DDX5: variants seen among roughly 807,000 people sequenced by gnomAD.
DDX5 encodes probable ATP-dependent RNA helicase DDX5.
Under a neutral mutation model 68.6 loss-of-function variants are expected in DDX5, and 6 were observed. That is an observed-to-expected ratio of 0.09 (90% CI 0.05 to 0.17). The LOEUF (loss-of-function observed/expected upper bound fraction) is 0.17. Among genes scored for constraint, DDX5 ranks in the 10% least tolerant of loss-of-function variants. The pLI, the probability that DDX5 is intolerant of heterozygous loss-of-function variation, is 1.00. For missense variants in DDX5, 499 were observed against 756.1 expected (o/e 0.66, Z 3.99); for synonymous variants, 350 against 247.0 (o/e 1.42, Z -3.91).
upstream of DDX5, chr17:64,506,699 GT>G (rs1422903211): frequency 3.5e-5 from 14 of 402,638 alleles, no homozygotes; most frequent in East Asian, 4.8e-4. Context: ...CGAGAGAGCG[GT>G]CCGCACTACT....
upstream of DDX5, chr17:64,506,383 C>T: frequency 1.4e-6 from 2 of 1,411,268 alleles, no homozygotes; most frequent in Non-Finnish European, 9.2e-7. Context: ...ATCGCCCCGC[C>T]CCTCGCGCAT....
intron 1 of DDX5, chr17:64,505,245 A>T (rs573182974): frequency 1.2e-5 from 3 of 258,610 alleles, no homozygotes; most frequent in Non-Finnish European, 2.2e-5. Flanking sequence ...GATGTTACTC[A>T]TATGGCCGTT....
At position 64,499,852 on chromosome 17, in the gene DDX5, T is replaced by G. The variant is rs2038250770; in HGVS notation, c.*71A>C. On this transcript the variant is annotated 3_prime_UTR_variant, in exon 13 of 13. Coordinates refer to ENST00000225792, the MANE Select transcript of DDX5 (RefSeq NM_004396.5). ...GCAATTCCCATGTTTCTTAAATAAC[T>G]ATCTTGTCAGATAACACACAATATA... 7.2e-7 allele frequency: 1 copy of G among 1,387,388 alleles called. No individual in the cohort carries two copies. Among genetic ancestry groups the G allele is most frequent in the African/African-American group, 1.4e-5 (1 of 69,478 alleles). 85.9% of individuals were successfully genotyped at this position (1,387,388 alleles called of 1,614,324 possible).
In DDX5 at chr17:64,504,338, A is replaced by G. The variant is rs1472487674; in HGVS notation, c.211-20T>C. 4 of 1,603,272 alleles carry G rather than the reference A, an allele frequency of 2.5e-6. No individual in the cohort carries two copies. The South Asian group carries it at 4.4e-5, about 18-fold the overall frequency. ...CTCTTGCTGCAAAACAAATTATAAC[A>G]GTCTTAAAATTCATGACAACCACCC... On this transcript the variant is annotated intron_variant, in intron 2 of 12. Coordinates refer to ENST00000225792, the MANE Select transcript of DDX5 (RefSeq NM_004396.5).
chr17:64,502,360 A>AC, intron 9 of DDX5, 79 bp downstream of exon 9: 1 of 1,449,848 alleles, frequency 6.9e-7, no homozygotes, highest in Non-Finnish European at 9.6e-7. Flanking sequence ...TATGAAAAAA[A>AC]TCCACTGCTC....
chr17:64,506,430 G>C (rs9905596), upstream of DDX5: 6,887 of 1,358,316 alleles, frequency 5.1e-3, 284 homozygotes, highest in African/African-American at 0.091. Context: ...GGATCGCCGC[G>C]CTTTCACCCC....
At chr17:64,502,587 T>C (rs1568102582) in intron 8 of DDX5, 38 bp from the exon 9 acceptor site, 1 of 1,433,018 alleles carries the variant, frequency 7.0e-7, no homozygotes, top group Non-Finnish European at 9.8e-7. Context: ...TCCTGAGTTT[T>C]AAAAGACCAT....
intron 5 of DDX5, 102 bp from the exon 6 acceptor site, chr17:64,503,673 CA>C: frequency 6.5e-7 from 1 of 1,547,676 alleles, no homozygotes; most frequent in Non-Finnish European, 8.8e-7. Flanking sequence ...GTCCAATACC[CA>C]AAACAGCTCC....
At position 64,503,104 on chromosome 17, in the gene DDX5, G is replaced by A. The variant is rs1242954778; in HGVS notation, c.811-6C>T. 1.9e-6 allele frequency: 3 copies of A among 1,611,726 alleles called. No individual in the cohort carries two copies. The highest frequency in any genetic ancestry group is 2.2e-5 in the East Asian group (1 of 44,850). On this transcript the variant is annotated splice_region_variant and splice_polypyrimidine_tract_variant and intron_variant, in intron 7 of 12. Coordinates refer to ENST00000225792, the MANE Select transcript of DDX5 (RefSeq NM_004396.5). ...ATTAGAGTTTGCCTATCAGGCTAAT[G>A]GATTTTGGGGGGAAAAATTAGTATC...
chr17:64,501,399 C>CAA (rs2038294059), intron 11 of DDX5: 1 of 156,908 alleles, frequency 6.4e-6, no homozygotes. Flanking sequence ...GAGGAACTTT[C>CAA]AAAGCACTTT....
At chr17:64,501,823 G>A (rs1249952425) in intron 11 of DDX5, 187 bp downstream of exon 11, 6 of 613,246 alleles carry the variant, frequency 9.8e-6, no homozygotes, top group South Asian at 6.2e-5. Context: ...GCAGCCAGCC[G>A]ATCACTAGTC....
upstream of DDX5, chr17:64,506,394 A>C (rs757609185): frequency 1.6e-5 from 23 of 1,401,958 alleles, no homozygotes; most frequent in Non-Finnish European, 1.9e-5. Flanking sequence ...CCTCGCGCAT[A>C]GGCCGCAACG....
intron 1 of DDX5, chr17:64,505,045 G>A (rs911727081): frequency 6.6e-5 from 31 of 469,360 alleles, no homozygotes; most frequent in African/African-American, 3.2e-4. Context: ...CATTACTTAG[G>A]TCATGTAAAC....
At chr17:64,502,628 A>C (rs1470771454) in intron 8 of DDX5, 79 bp from the exon 9 acceptor site, 1 of 1,056,468 alleles carries the variant, frequency 9.5e-7, no homozygotes, top group African/African-American at 1.6e-5. Flanking sequence ...GGTCAGCAAA[A>C]CATTAAGTTC....
At chr17:64,505,501 C>T (rs185090348) in intron 1 of DDX5, 4 of 585,858 alleles carry the variant, frequency 6.8e-6, no homozygotes, top group Admixed American at 3.0e-5. Context: ...GGCGGCGCTT[C>T]CCCCTTTGTC....
rs782145244 is a variant in DDX5, at chr17:64,506,134, C to T, written c.-15G>A. 2 of 1,607,908 alleles carry T rather than the reference C, an allele frequency of 1.2e-6. No individual in the cohort carries two copies. The highest frequency in any genetic ancestry group is 1.7e-6 in the Non-Finnish European group (2 of 1,177,284). On this transcript the variant is annotated 5_prime_UTR_variant, in exon 1 of 13. Coordinates refer to ENST00000225792, the MANE Select transcript of DDX5 (RefSeq NM_004396.5). ...TAACCCGACATGGCGTCAATGGTTG[C>T]GGTTGGCGGGGAACGAAGTATATAG...
At chr17:64,506,020 A>AGCCCCCCCCC in intron 1 of DDX5, 56 bp downstream of exon 1, 1 of 868,084 alleles carries the variant, frequency 1.2e-6, no homozygotes, top group Non-Finnish European at 1.7e-6. Flanking sequence ...CGCCACCCTG[A>AGCCCCCCCCC]CCCGCCCTCC....
At chr17:64,506,466 G>T, upstream of DDX5, 1 of 1,207,148 alleles carries the variant, frequency 8.3e-7, no homozygotes, top group Non-Finnish European at 1.1e-6. Flanking sequence ...CTCAGGTCAG[G>T]GCCCACCCAC....
intron 12 of DDX5, 93 bp from the exon 13 acceptor site, chr17:64,500,419 A>G: frequency 6.5e-7 from 1 of 1,537,180 alleles, no homozygotes; most frequent in Non-Finnish European, 8.8e-7. Context: ...GTAGGCGTGA[A>G]ATGTTTTTAC....
Sources: gnomAD v4.1 joint callset for allele counts on GRCh38, gnomAD v4.1.1 for gene constraint, MANE v1.5 for transcripts, NCBI Gene and HGNC (gene_info 2026-07-23, HGNC 2026-07-21) for gene names.